GREM2: variants seen among roughly 807,000 people sequenced by gnomAD.
The protein encoded by GREM2 is gremlin 2, DAN family BMP antagonist, also known as gremlin-2.
In GREM2, 11 loss-of-function variants were observed where a neutral mutation model predicts 14.2. The ratio of observed to expected loss-of-function variants is 0.78; its 90% CI spans 0.49 to 1.28. GREM2 has a LOEUF of 1.28. GREM2 is among the 50% of genes most tolerant of loss of function. The pLI is 0.00. For missense variants in GREM2, 210 were observed against 218.5 expected, an observed-to-expected ratio of 0.96 and a Z score of 0.24; for synonymous variants, 98 against 97.6, an observed-to-expected ratio of 1.00 and a Z score of -0.02.
At chr1:240,609,270 G>A (rs536721128) in intron 1 of GREM2, among the ~76,000 whole-genome samples, 18 of 152,080 alleles carry the variant, frequency 1.2e-4, no homozygotes, top group African/African-American at 2.4e-4. Context: ...CGCCAACACC[G>A]TCTGGGTCCC....
chr1:240,572,603 T>A (rs1245386595), intron 1 of GREM2, among the ~76,000 whole-genome samples: 1 of 152,066 alleles, frequency 6.6e-6, no homozygotes, highest in Non-Finnish European at 1.5e-5. Flanking sequence ...TTATAGGGAG[T>A]TAAAACCAAA....
intron 1 of GREM2, among the ~76,000 whole-genome samples, chr1:240,547,303 A>T (rs548986359): frequency 6.6e-6 from 1 of 151,838 alleles, no homozygotes; most frequent in Admixed American, 6.6e-5. Context: ...GATCAAGACC[A>T]TCCTGGCTAA....
intron 1 of GREM2, among the ~76,000 whole-genome samples, chr1:240,568,232 C>T (rs562966379): frequency 6.6e-5 from 10 of 152,190 alleles, no homozygotes; most frequent in African/African-American, 2.4e-4. Flanking sequence ...AGGGCTCTTA[C>T]GTTATGTATA....
intron 1 of GREM2, among the ~76,000 whole-genome samples, chr1:240,547,955 G>A (rs1678772605): frequency 6.6e-6 from 1 of 151,958 alleles, no homozygotes; most frequent in Admixed American, 6.6e-5. Flanking sequence ...AGGTAGGAGT[G>A]ATAAATCAGT....
chr1:240,594,745 CAT>C (rs1679788704), intron 1 of GREM2, among the ~76,000 whole-genome samples: 1 of 151,816 alleles, frequency 6.6e-6, no homozygotes, highest in Non-Finnish European at 1.5e-5. Flanking sequence ...TATATTCAGT[CAT>C]GTGTCACTTA....
At chr1:240,513,524 G>A (rs1043651072) in intron 1 of GREM2, among the ~76,000 whole-genome samples, 9 of 144,370 alleles carry the variant, frequency 6.2e-5, no homozygotes, top group African/African-American at 1.5e-4. Flanking sequence ...GCAGTGAGCC[G>A]AGATCACACC....
chr1:240,548,945 G>A (rs1414263168), intron 1 of GREM2, among the ~76,000 whole-genome samples: 1 of 152,176 alleles, frequency 6.6e-6, no homozygotes, highest in Non-Finnish European at 1.5e-5. Context: ...AATAATGACT[G>A]AACAAAAGAT....
intron 1 of GREM2, among the ~76,000 whole-genome samples, chr1:240,494,937 C>A (rs1368651044): frequency 6.6e-6 from 1 of 152,076 alleles, no homozygotes; most frequent in Non-Finnish European, 1.5e-5. Context: ...AGAAATTTCC[C>A]TAGCTGTATT....
intron 1 of GREM2, among the ~76,000 whole-genome samples, chr1:240,519,499 CA>C (rs1678030943): frequency 6.6e-6 from 1 of 152,048 alleles, no homozygotes; most frequent in Non-Finnish European, 1.5e-5. Flanking sequence ...TACTAAGTTT[CA>C]AAAATTATTT....
chr1:240,518,188 T>C (rs1677991299), intron 1 of GREM2, among the ~76,000 whole-genome samples: 1 of 152,344 alleles, frequency 6.6e-6, no homozygotes, highest in African/African-American at 2.4e-5. Context: ...GCCAATCATG[T>C]CTGCTAAACT....
At position 240,540,926 on chromosome 1, in the gene GREM2, G is replaced by A. The variant is rs570188151; in HGVS notation, c.-1-47450C>T. Reference sequence around the variant, plus strand: ...GATGGCACTCATCAATCAGTTTGTCGCCTTCCAGCATTCTGGACCAGAAGT... The same window carrying A: ...GATGGCACTCATCAATCAGTTTGTCACCTTCCAGCATTCTGGACCAGAAGT... On this transcript the variant is annotated intron_variant, in intron 1 of 1. Transcript: ENST00000318160. This position sits in a 1 kb window ranked among gnomAD's most constrained non-coding sequence, Gnocchi z 4.2. Among the ~76,000 whole-genome samples the A allele has an allele frequency of 3.2e-4, 48 of 152,182 alleles. No individual in the cohort carries two copies. Among genetic ancestry groups the A allele is most frequent in the African/African-American group, 4.3e-4 (18 of 41,534 alleles).
chr1:240,556,976 C>A (rs1321213986), intron 1 of GREM2, among the ~76,000 whole-genome samples: 1 of 151,946 alleles, frequency 6.6e-6, no homozygotes. Context: ...TCGAGACCAG[C>A]CTGGATAACA....
intron 1 of GREM2, among the ~76,000 whole-genome samples, chr1:240,592,558 CAG>C (rs1264360342): frequency 6.6e-6 from 1 of 152,166 alleles, no homozygotes; most frequent in Non-Finnish European, 1.5e-5. Context: ...ATGTTTAACA[CAG>C]AGTCTACAAT....
chr1:240,562,292 C>A (rs908905958), intron 1 of GREM2, among the ~76,000 whole-genome samples: 5 of 152,114 alleles, frequency 3.3e-5, no homozygotes, highest in African/African-American at 1.2e-4. Flanking sequence ...AACTGTATGA[C>A]CCTGATTCAA....
chr1:240,518,131 G>A (rs984119732), intron 1 of GREM2, among the ~76,000 whole-genome samples: 1 of 152,160 alleles, frequency 6.6e-6, no homozygotes, highest in African/African-American at 2.4e-5. Context: ...TGTCATTGAT[G>A]TCACTTTTAT....
At chr1:240,577,932 G>A (rs1558169998) in intron 1 of GREM2, among the ~76,000 whole-genome samples, 1 of 152,144 alleles carries the variant, frequency 6.6e-6, no homozygotes, top group Non-Finnish European at 1.5e-5. Context: ...AGAGTTCAAA[G>A]TTATCCTTTC....
chr1:240,496,094 G>A (rs1052120154), intron 1 of GREM2, among the ~76,000 whole-genome samples: 2 of 151,920 alleles, frequency 1.3e-5, no homozygotes, highest in Non-Finnish European at 2.9e-5. Context: ...GCGCCACCAG[G>A]CCCAGCTAAT....
At chr1:240,591,189 T>C (rs1012510085) in intron 1 of GREM2, among the ~76,000 whole-genome samples, 1 of 152,158 alleles carries the variant, frequency 6.6e-6, no homozygotes, top group African/African-American at 2.4e-5. Context: ...TGCCTACAAC[T>C]AACACAATTA....
intron 1 of GREM2, among the ~76,000 whole-genome samples, chr1:240,560,339 T>C (rs748185136): frequency 1.3e-5 from 2 of 152,178 alleles, no homozygotes; most frequent in Non-Finnish European, 2.9e-5. Context: ...TTTTGTGCTA[T>C]CAGGGTTTAT....
Sources: gnomAD v4.1 joint callset for allele counts (sites outside exome capture counted in the v4.1 genomes callset) on GRCh38, gnomAD v4.1.1 for gene constraint, Gnocchi (gnomAD v3.1) non-coding constraint, MANE v1.5 for transcripts, NCBI Gene and HGNC (gene_info 2026-07-23, HGNC 2026-07-21) for gene names.